The following PTPRD variants were observed in gnomAD, a reference collection of about 807,000 sequenced individuals.
PTPRD encodes the protein protein tyrosine phosphatase receptor type D.
Under a neutral mutation model 214.5 loss-of-function variants are expected in PTPRD, and 34 were observed. That is an observed-to-expected ratio of 0.16 (90% CI 0.12 to 0.21). PTPRD has a LOEUF of 0.21. Ranked by LOEUF, PTPRD falls within the 10% of genes least tolerant of loss-of-function variation. PTPRD has a pLI of 1.00. For synonymous variants in PTPRD, 1,128 were observed against 845.7 expected, an observed-to-expected ratio of 1.33 and a Z score of -5.79; for missense variants, 2,545 against 2,398.7, an observed-to-expected ratio of 1.06 and a Z score of -1.27.
At chr9:8,636,669 C>G in intron 13 of PTPRD, 30 bp downstream of exon 13, 1 of 1,609,418 alleles carries the variant, frequency 6.2e-7, no homozygotes, top group Non-Finnish European at 8.5e-7. Flanking sequence ...ACATTCTTCC[C>G]CCAGAGAAAC....
At chr9:9,462,017 C>G (rs1055194474) in intron 8 of PTPRD, among the ~76,000 whole-genome samples, 1 of 152,104 alleles carries the variant, frequency 6.6e-6, no homozygotes, top group South Asian at 2.1e-4. Context: ...GTTGCCATAA[C>G]TTATTAATGT....
intron 43 of PTPRD, among the ~76,000 whole-genome samples, chr9:8,337,019 C>A (rs941018485): frequency 6.6e-6 from 1 of 152,168 alleles, no homozygotes; most frequent in Non-Finnish European, 1.5e-5. Context: ...ATTAGTTAAA[C>A]CACTGTGGAA....
At chr9:9,547,176 A>G (rs1033701031) in intron 8 of PTPRD, among the ~76,000 whole-genome samples, 5 of 152,124 alleles carry the variant, frequency 3.3e-5, no homozygotes, top group African/African-American at 1.2e-4. Context: ...AATTGGACTG[A>G]TGTCACTCTT....
intron 3 of PTPRD, among the ~76,000 whole-genome samples, chr9:10,339,549 T>C (rs1429663975): frequency 1.3e-5 from 2 of 151,614 alleles, no homozygotes; most frequent in African/African-American, 4.8e-5. Flanking sequence ...CTCCCTTACT[T>C]GACAGGGATT....
At chr9:8,332,807 C>T (rs193013900) in intron 43 of PTPRD, among the ~76,000 whole-genome samples, 60 of 152,258 alleles carry the variant, frequency 3.9e-4, no homozygotes, top group East Asian at 2.9e-3. Flanking sequence ...TTAGAGAGAC[C>T]GATCTCATTT....
chr9:10,567,424 A>C (rs2065965139), intron 2 of PTPRD, among the ~76,000 whole-genome samples: 1 of 152,100 alleles, frequency 6.6e-6, no homozygotes, highest in Non-Finnish European at 1.5e-5. Context: ...TCCTTAAGTG[A>C]TAAGTTTTCA....
intron 8 of PTPRD, among the ~76,000 whole-genome samples, chr9:9,562,671 T>C (rs767813289): frequency 2.6e-5 from 4 of 152,182 alleles, no homozygotes; most frequent in Non-Finnish European, 4.4e-5. Flanking sequence ...ATGGTATCTA[T>C]ATGGCTAACA....
chr9:9,935,000 G>C (rs915359565), intron 5 of PTPRD, among the ~76,000 whole-genome samples: 14 of 152,138 alleles, frequency 9.2e-5, no homozygotes, highest in Non-Finnish European at 1.8e-4. Flanking sequence ...AATAGATACA[G>C]AAAAGGCCTT....
At chr9:10,583,594 C>G (rs1399097497) in intron 2 of PTPRD, among the ~76,000 whole-genome samples, 1 of 151,712 alleles carries the variant, frequency 6.6e-6, no homozygotes. Context: ...TGGGATACAG[C>G]AAGCCTCCTG....
At chr9:9,144,701 T>C (rs1488832927) in intron 10 of PTPRD, among the ~76,000 whole-genome samples, 5 of 151,984 alleles carry the variant, frequency 3.3e-5, no homozygotes, top group Non-Finnish European at 4.4e-5. Flanking sequence ...TGCAGTGACG[T>C]GAGATTGTAC....
At chr9:9,459,296 A>G (rs557193906) in intron 8 of PTPRD, among the ~76,000 whole-genome samples, 4 of 152,112 alleles carry the variant, frequency 2.6e-5, no homozygotes, top group East Asian at 3.9e-4. Context: ...CAGAAACAAG[A>G]TAAGAATGTA....
intron 10 of PTPRD, among the ~76,000 whole-genome samples, chr9:9,028,935 G>GC (rs2099595850): frequency 6.6e-6 from 1 of 151,792 alleles, no homozygotes; most frequent in South Asian, 2.1e-4. Flanking sequence ...AATGAAAATG[G>GC]GGGGCATAGA....
chr9:10,018,959 G>T (rs145571935), intron 4 of PTPRD, among the ~76,000 whole-genome samples: 2,620 of 152,188 alleles, frequency 0.017, 29 homozygotes, highest in Non-Finnish European at 0.028. Context: ...CTTCTGCGCA[G>T]CAAAAGAAAC....
intron 2 of PTPRD, among the ~76,000 whole-genome samples, chr9:10,493,847 C>A (rs1441399182): frequency 6.6e-6 from 1 of 151,930 alleles, no homozygotes; most frequent in East Asian, 1.9e-4. Context: ...CACCTTTTAC[C>A]TAGAATACTA....
chr9:8,656,022 G>A (rs192016066), intron 12 of PTPRD, among the ~76,000 whole-genome samples: 67 of 152,080 alleles, frequency 4.4e-4, no homozygotes, highest in African/African-American at 1.6e-3. Context: ...TAATTTACCC[G>A]AGATAGCATC....
At chr9:10,204,646 T>C (rs2099457939) in intron 3 of PTPRD, among the ~76,000 whole-genome samples, 1 of 152,196 alleles carries the variant, frequency 6.6e-6, no homozygotes. Flanking sequence ...AAAGGCAGTA[T>C]TGATGTTGAT....
chr9:9,547,192 C>T (rs73641313), intron 8 of PTPRD, among the ~76,000 whole-genome samples: 4,796 of 152,016 alleles, frequency 0.032, 95 homozygotes, highest in Middle Eastern at 0.095. Context: ...CTCTTGCTAT[C>T]GATTTTGTAG....
At chr9:9,308,388 C>T (rs549191426) in intron 9 of PTPRD, among the ~76,000 whole-genome samples, 7 of 152,270 alleles carry the variant, frequency 4.6e-5, no homozygotes, top group Non-Finnish European at 1.0e-4. Flanking sequence ...ACATGTTAAA[C>T]ATATACTATA....
intron 5 of PTPRD, among the ~76,000 whole-genome samples, chr9:9,792,946 G>A (rs2098977528): frequency 6.6e-6 from 1 of 151,894 alleles, no homozygotes; most frequent in South Asian, 2.1e-4. Flanking sequence ...AATAGACTTG[G>A]GCAAACAGGT....
Sources: allele counts gnomAD v4.1 joint callset (sites outside exome capture counted in the v4.1 genomes callset), GRCh38; gene constraint gnomAD v4.1.1; transcripts MANE v1.5; gene names NCBI Gene and HGNC (gene_info 2026-07-23, HGNC 2026-07-21).